The following RUNX1 variants were observed in gnomAD, a reference collection of about 807,000 sequenced individuals.
RUNX1 encodes the protein RUNX family transcription factor 1, also known as runt-related transcription factor 1.
A neutral mutation model predicts 42.8 loss-of-function variants in RUNX1; 19 were observed. That is an observed-to-expected ratio of 0.44 (90% CI 0.31 to 0.65). The LOEUF is 0.65. Ranked by LOEUF, RUNX1 falls within the 30% of genes least tolerant of loss-of-function variation. RUNX1 has a pLI of 0.07. For missense variants in RUNX1, 528 were observed against 672.0 expected, an observed-to-expected ratio of 0.79 and a Z score of 2.37; for synonymous variants, 271 against 289.4, an observed-to-expected ratio of 0.94 and a Z score of 0.64.
chr21:34,987,336 A>G (rs868115204), intron 2 of RUNX1, among the ~76,000 whole-genome samples: 13 of 152,184 alleles, frequency 8.5e-5, no homozygotes, highest in Admixed American at 3.9e-4. Context: ...ATTTGAGGGG[A>G]GCGGGCTGCT....
intron 6 of RUNX1, among the ~76,000 whole-genome samples, chr21:34,835,551 C>T (rs116686773): frequency 2.3e-4 from 35 of 152,266 alleles, no homozygotes; most frequent in African/African-American, 7.7e-4. Context: ...CTGGGGCCTA[C>T]GGTTTTCTCA....
intron 2 of RUNX1, among the ~76,000 whole-genome samples, chr21:34,976,518 C>T (rs2058803202): frequency 6.6e-6 from 1 of 152,204 alleles, no homozygotes; most frequent in African/African-American, 2.4e-5. Flanking sequence ...TGCAATATTG[C>T]TCCCATTGGG....
intron 2 of RUNX1, among the ~76,000 whole-genome samples, chr21:35,006,053 T>C (rs1478093963): frequency 6.6e-6 from 1 of 152,178 alleles, no homozygotes; most frequent in African/African-American, 2.4e-5. Context: ...GTTGGCAGGC[T>C]CATCCCAATT....
intron 2 of RUNX1, among the ~76,000 whole-genome samples, chr21:35,009,928 A>C (rs939540234): frequency 6.6e-6 from 1 of 152,194 alleles, no homozygotes; most frequent in Admixed American, 6.5e-5. Context: ...TGCCACTTGC[A>C]AGCATTAAGG....
At chr21:35,003,531 A>AC (rs1569146765) in intron 2 of RUNX1, among the ~76,000 whole-genome samples, 6 of 104,248 alleles carry the variant, frequency 5.8e-5, no homozygotes, top group Admixed American at 1.7e-4. Context: ...TTTTTTTTTT[A>AC]AAAAAAAAGA....
At chr21:34,894,926 CACATAT>C (rs1163857794) in intron 2 of RUNX1, among the ~76,000 whole-genome samples, 1 of 120,742 alleles carries the variant, frequency 8.3e-6, no homozygotes, top group African/African-American at 4.5e-5. Context: ...CACACACACA[CACATAT>C]TCATATCTAC....
chr21:34,912,503 A>C (rs766309821), intron 2 of RUNX1, among the ~76,000 whole-genome samples: 1 of 152,074 alleles, frequency 6.6e-6, no homozygotes, highest in Non-Finnish European at 1.5e-5. Flanking sequence ...TATTGCACCG[A>C]TGTTTTGGTT....
chr21:35,003,565 A>G (rs755977626), intron 2 of RUNX1, among the ~76,000 whole-genome samples: 24 of 152,184 alleles, frequency 1.6e-4, no homozygotes, highest in Non-Finnish European at 3.5e-4. Flanking sequence ...TCTTATATTA[A>G]ATAGATATTG....
intron 5 of RUNX1, among the ~76,000 whole-genome samples, chr21:34,871,646 A>G (rs1569072028): frequency 6.6e-6 from 1 of 152,150 alleles, no homozygotes; most frequent in Non-Finnish European, 1.5e-5. Flanking sequence ...CAGGTGGGAT[A>G]AAGCTCCAGA....
intron 6 of RUNX1, among the ~76,000 whole-genome samples, chr21:34,847,054 G>A (rs746439518): frequency 7.2e-5 from 11 of 152,138 alleles, no homozygotes; most frequent in Non-Finnish European, 1.2e-4. Flanking sequence ...AAAGGAATAC[G>A]GACTCAGCAA....
At position 35,014,685 on chromosome 21, in the gene RUNX1, T is replaced by G. The variant is rs550769838; in HGVS notation, c.58+34157A>C. The stretch of plus-strand genomic sequence containing the variant: ...TGCTTTTGGTAACAGCAACCCATGT[T>G]AGCAAATCGGAGCTTCCTCCATGGG... On this transcript the variant is annotated intron_variant, in intron 2 of 8. Transcript: ENST00000675419. Among the ~76,000 whole-genome samples, 12 of 152,350 alleles carry G rather than the reference T, an allele frequency of 7.9e-5. No individual in the cohort carries two copies. In the East Asian group the frequency reaches 2.3e-3, roughly 29 times the overall value.
intron 2 of RUNX1, among the ~76,000 whole-genome samples, chr21:34,938,347 G>A (rs1427452412): frequency 6.6e-6 from 1 of 152,062 alleles, no homozygotes; most frequent in Non-Finnish European, 1.5e-5. Context: ...TACTAATTAA[G>A]GGATAAATTA....
intron 2 of RUNX1, among the ~76,000 whole-genome samples, chr21:35,015,025 T>C (rs190776403): frequency 1.1e-4 from 16 of 152,306 alleles, no homozygotes; most frequent in African/African-American, 3.6e-4. Context: ...CACTCAACTC[T>C]TGACAGATTT....
rs760220336 is a variant in RUNX1 at position 35,048,939 on chromosome 21, G to T, written c.-40C>A. On this transcript the variant is annotated 5_prime_UTR_variant, in exon 2 of 9. Coordinates refer to ENST00000675419, the MANE Select transcript of RUNX1 (RefSeq NM_001754.5). ...AATGCACCCTCTTCTGAAGGCGGGG[G>T]ACTCAATGATTTCTTTTACCTTCGG... 1.3e-6 allele frequency: 2 copies of T among 1,588,220 alleles called. No individual in the cohort carries two copies. The highest frequency in any genetic ancestry group is 1.1e-5 in the South Asian group (1 of 90,612).
intron 2 of RUNX1, among the ~76,000 whole-genome samples, chr21:35,014,743 C>G (rs1328119731): frequency 3.3e-5 from 5 of 152,260 alleles, no homozygotes. Flanking sequence ...CTCTGCTTTC[C>G]AGCCACAGAC....
chr21:34,979,270 C>T (rs1266259478), intron 2 of RUNX1, among the ~76,000 whole-genome samples: 3 of 151,724 alleles, frequency 2.0e-5, no homozygotes, highest in Non-Finnish European at 4.4e-5. Context: ...ATGCCTCAAG[C>T]GTTATATGCT....
chr21:34,864,453 G>C (rs920300344), intron 5 of RUNX1, among the ~76,000 whole-genome samples: 2 of 152,240 alleles, frequency 1.3e-5, no homozygotes, highest in African/African-American at 4.8e-5. Flanking sequence ...CTGCTGCCGA[G>C]AGGGCCGGTG....
intron 2 of RUNX1, among the ~76,000 whole-genome samples, chr21:34,922,908 C>T (rs1026499849): frequency 5.9e-5 from 9 of 152,208 alleles, no homozygotes; most frequent in African/African-American, 1.9e-4. Context: ...AGACACTATT[C>T]TAAGTACTTC....
At chr21:34,897,392 G>A (rs959303209) in intron 2 of RUNX1, among the ~76,000 whole-genome samples, 4 of 152,200 alleles carry the variant, frequency 2.6e-5, no homozygotes, top group Non-Finnish European at 5.9e-5. Context: ...TGGGCATCTG[G>A]AATTCAATGC....
Sources: allele counts gnomAD v4.1 joint callset (sites outside exome capture counted in the v4.1 genomes callset), GRCh38; gene constraint gnomAD v4.1.1; transcripts MANE v1.5; gene names NCBI Gene and HGNC (gene_info 2026-07-23, HGNC 2026-07-21).